CNTN1: variants seen among roughly 807,000 people sequenced by gnomAD.
CNTN1 encodes the protein contactin-1.
In CNTN1, 38 loss-of-function variants were observed where a neutral mutation model predicts 126.4. The observed-to-expected ratio is 0.30, with a 90% CI of 0.23 to 0.39. The LOEUF (loss-of-function observed/expected upper bound fraction) is 0.39, where lower values mean the gene tolerates loss of function less well. Among genes scored for constraint, CNTN1 ranks in the 10% least tolerant of loss-of-function variants. CNTN1 has a pLI of 1.00. For synonymous variants in CNTN1, 413 were observed against 422.6 expected, an observed-to-expected ratio of 0.98 and a Z score of 0.28; for missense variants, 1,009 against 1,248.4, an observed-to-expected ratio of 0.81 and a Z score of 2.89.
At chr12:40,959,812 C>T (rs1214035238) in intron 15 of CNTN1, among the ~76,000 whole-genome samples, 7 of 152,054 alleles carry the variant, frequency 4.6e-5, no homozygotes, top group Non-Finnish European at 1.0e-4. Flanking sequence ...GTGAGGCTGG[C>T]TGGGAACACA....
intron 1 of CNTN1, among the ~76,000 whole-genome samples, chr12:40,761,984 G>GTTAGGGACAC (rs1938881046): frequency 6.6e-6 from 1 of 151,774 alleles, no homozygotes; most frequent in East Asian, 1.9e-4. Context: ...CTCTGTTTTT[G>GTTAGGGACAC]TTAGGGACAC....
intron 1 of CNTN1, among the ~76,000 whole-genome samples, chr12:40,790,721 C>G (rs79557613): frequency 0.016 from 2,387 of 152,198 alleles, 63 homozygotes; most frequent in African/African-American, 0.055. Context: ...CCTGTCCCAC[C>G]GCCAACCAAC....
At chr12:40,721,546 ATTAT>A in intron 1 of CNTN1, among the ~76,000 whole-genome samples, 1 of 143,742 alleles carries the variant, frequency 7.0e-6, no homozygotes, top group East Asian at 2.0e-4. Context: ...TCTTACATTA[ATTAT>A]TATTATTATT....
intron 1 of CNTN1, among the ~76,000 whole-genome samples, chr12:40,883,382 C>A (rs1943934486): frequency 6.6e-6 from 1 of 151,462 alleles, no homozygotes; most frequent in South Asian, 2.1e-4. Flanking sequence ...CAGAGAAATG[C>A]AAATGTATTT....
At chr12:41,053,999 A>C (rs1949746913) in intron 23 of CNTN1, among the ~76,000 whole-genome samples, 1 of 151,802 alleles carries the variant, frequency 6.6e-6, no homozygotes, top group Admixed American at 6.6e-5. Context: ...TATAAGCCAG[A>C]TAAAATAAAT....
At chr12:40,722,220 G>C (rs578210002) in intron 1 of CNTN1, among the ~76,000 whole-genome samples, 3 of 152,078 alleles carry the variant, frequency 2.0e-5, no homozygotes, top group Admixed American at 2.0e-4. Flanking sequence ...ACAAAAATTT[G>C]ATCTTGACCT....
At chr12:40,883,671 G>C (rs1225209136) in intron 1 of CNTN1, among the ~76,000 whole-genome samples, 1 of 151,572 alleles carries the variant, frequency 6.6e-6, no homozygotes, top group Non-Finnish European at 1.5e-5. Flanking sequence ...AGAAAGTGTG[G>C]TGGTAGCATG....
chr12:40,925,671 A>G (rs1451182481), intron 6 of CNTN1, among the ~76,000 whole-genome samples: 1 of 145,858 alleles, frequency 6.9e-6, no homozygotes. Context: ...TTACATATCA[A>G]ATATTTGTGA....
chr12:40,924,121 G>A (rs935459500), intron 5 of CNTN1, among the ~76,000 whole-genome samples: 2 of 152,000 alleles, frequency 1.3e-5, no homozygotes, highest in Non-Finnish European at 2.9e-5. Context: ...ATTCCTTCCC[G>A]ATATCCAAGC....
intron 15 of CNTN1, 149 bp downstream of exon 15, chr12:40,959,383 C>A: frequency 1.2e-6 from 1 of 846,944 alleles, no homozygotes; most frequent in Non-Finnish European, 1.9e-6. Context: ...TCTTCCCATG[C>A]CTAAGAATGA....
chr12:40,772,106 A>T (rs768898402), intron 1 of CNTN1, among the ~76,000 whole-genome samples: 13 of 152,070 alleles, frequency 8.5e-5, no homozygotes, highest in Non-Finnish European at 1.2e-4. Flanking sequence ...CCAACCCTTC[A>T]TATAAACTTT....
At chr12:40,739,953 T>C (rs573260699) in intron 1 of CNTN1, among the ~76,000 whole-genome samples, 1 of 152,200 alleles carries the variant, frequency 6.6e-6, no homozygotes, top group South Asian at 2.1e-4. Flanking sequence ...TTTGGATTGT[T>C]AGACTTTACA....
At chr12:40,793,365 T>C (rs1430695645) in intron 1 of CNTN1, among the ~76,000 whole-genome samples, 1 of 151,992 alleles carries the variant, frequency 6.6e-6, no homozygotes, top group Non-Finnish European at 1.5e-5. Context: ...TTTTTTCCCC[T>C]GTTAGTCTGT....
intron 23 of CNTN1, among the ~76,000 whole-genome samples, chr12:41,040,634 CT>C (rs1949381747): frequency 6.6e-6 from 1 of 152,188 alleles, no homozygotes; most frequent in South Asian, 2.1e-4. Flanking sequence ...CTTCACGTCC[CT>C]TGTAAGTTGG....
chr12:40,882,985 C>T (rs1045752945), intron 1 of CNTN1, among the ~76,000 whole-genome samples: 24 of 151,512 alleles, frequency 1.6e-4, no homozygotes, highest in African/African-American at 5.1e-4. Context: ...TGCATCTGAT[C>T]GTCTTTCAGT....
At chr12:40,782,228 T>C (rs1043729298) in intron 1 of CNTN1, among the ~76,000 whole-genome samples, 10 of 151,930 alleles carry the variant, frequency 6.6e-5, no homozygotes, top group African/African-American at 2.4e-4. Flanking sequence ...ATTTGAAGTA[T>C]TAATTTCTAA....
intron 1 of CNTN1, among the ~76,000 whole-genome samples, chr12:40,769,442 C>T (rs1322893964): frequency 6.6e-6 from 1 of 151,850 alleles, no homozygotes; most frequent in African/African-American, 2.4e-5. Context: ...TGCCCATGGC[C>T]AACAATTAAA....
intron 3 of CNTN1, among the ~76,000 whole-genome samples, chr12:40,912,187 CT>C (rs1234483330): frequency 6.6e-6 from 1 of 151,220 alleles, no homozygotes; most frequent in Non-Finnish European, 1.5e-5. Flanking sequence ...TCAAAACCAA[CT>C]TCACTCAATG....
intron 1 of CNTN1, among the ~76,000 whole-genome samples, chr12:40,812,136 T>G (rs921673134): frequency 6.6e-6 from 1 of 152,164 alleles, no homozygotes; most frequent in Non-Finnish European, 1.5e-5. Flanking sequence ...ATCTTTTGAT[T>G]TCTTTGACTC....
Sources: allele counts gnomAD v4.1 joint callset (sites outside exome capture counted in the v4.1 genomes callset), GRCh38; gene constraint gnomAD v4.1.1; transcripts MANE v1.5; gene names NCBI Gene and HGNC (gene_info 2026-07-23, HGNC 2026-07-21).